ANK3: variants seen among roughly 807,000 people sequenced by gnomAD.
ANK3 encodes the protein ankyrin 3, also known as ankyrin-3.
In ANK3, 57 loss-of-function variants were observed where a neutral mutation model predicts 370.9. The ratio of observed to expected loss-of-function variants is 0.15; its 90% CI spans 0.12 to 0.19. The LOEUF (loss-of-function observed/expected upper bound fraction) is 0.19. Ranked by LOEUF, ANK3 falls within the 10% of genes least tolerant of loss-of-function variation. The pLI, the probability that ANK3 is intolerant of heterozygous loss-of-function variation, is 1.00. For missense variants in ANK3, 4,439 were observed against 5,302.1 expected, an observed-to-expected ratio of 0.84 and a Z score of 5.06; for synonymous variants, 1,929 against 1,946.3, an observed-to-expected ratio of 0.99 and a Z score of 0.23.
intron 28 of ANK3, among the ~76,000 whole-genome samples, chr10:60,104,491 T>C (rs898085179): frequency 6.6e-6 from 1 of 152,032 alleles, no homozygotes; most frequent in Non-Finnish European, 1.5e-5. Context: ...GATATGTTAC[T>C]TGACATCTCT....
At chr10:60,692,467 C>T (rs2079369280) in intron 1 of ANK3, among the ~76,000 whole-genome samples, 1 of 152,164 alleles carries the variant, frequency 6.6e-6, no homozygotes, top group Non-Finnish European at 1.5e-5. Context: ...TCTCAATTTC[C>T]ATTTCTAGTT....
intron 2 of ANK3, among the ~76,000 whole-genome samples, chr10:60,450,817 A>T (rs2064580711): frequency 6.6e-6 from 1 of 152,188 alleles, no homozygotes; most frequent in African/African-American, 2.4e-5. Flanking sequence ...TATTTCACAG[A>T]ACACTTAACG....
intron 27 of ANK3, chr10:60,108,379 A>G (rs1169931721): frequency 1.7e-5 from 4 of 240,414 alleles, no homozygotes; most frequent in African/African-American, 4.7e-5. Flanking sequence ...TTTGTACCCA[A>G]GTGCCACCTC....
chr10:60,554,536 T>A (rs1347199828), intron 2 of ANK3, among the ~76,000 whole-genome samples: 3 of 152,168 alleles, frequency 2.0e-5, no homozygotes, highest in Non-Finnish European at 4.4e-5. Flanking sequence ...GTATCAGGTT[T>A]TGTAGCACAA....
chr10:60,624,979 C>T (rs2078388414), intron 1 of ANK3, among the ~76,000 whole-genome samples: 1 of 152,178 alleles, frequency 6.6e-6, no homozygotes, highest in African/African-American at 2.4e-5. Context: ...TGCACACACA[C>T]ACCAATACCC....
rs752384374 is a variant in ANK3, at chr10:60,176,368, C to CAAA, written c.2185-3185_2185-3183dup. On this transcript the variant is annotated intron_variant, in intron 18 of 43. Transcript: ENST00000280772. The stretch of plus-strand genomic sequence containing the variant: ...CAACAGAGTGAGAGACTCTGTCTCC[C>CAAA]AAAAAAAAAAAAAAAAGAAAGAAAA... Among the ~76,000 whole-genome samples, 200 of 102,292 alleles carry CAAA rather than the reference C, an allele frequency of 2.0e-3. 3 individuals carry two copies. The highest frequency in any genetic ancestry group is 7.1e-3 in the African/African-American group (191 of 26,752). 67.1% of individuals were successfully genotyped at this position (102,292 alleles called of 152,430 possible).
At chr10:60,376,919 A>T (rs1171610623) in intron 1 of ANK3, among the ~76,000 whole-genome samples, 1 of 152,208 alleles carries the variant, frequency 6.6e-6, no homozygotes, top group Non-Finnish European at 1.5e-5. Flanking sequence ...TAACAAAGCC[A>T]TTTATTTTTA....
At chr10:60,358,145 C>T (rs1417175954) in intron 1 of ANK3, among the ~76,000 whole-genome samples, 2 of 150,476 alleles carry the variant, frequency 1.3e-5, no homozygotes, top group Non-Finnish European at 1.5e-5. Context: ...CACACACACC[C>T]AAAACTTCTC....
intron 2 of ANK3, among the ~76,000 whole-genome samples, chr10:60,421,315 T>G (rs996886345): frequency 6.6e-6 from 1 of 152,020 alleles, no homozygotes; most frequent in African/African-American, 2.4e-5. Context: ...AAAAATAGTT[T>G]AAATGGCAAA....
intron 13 of ANK3, 112 bp from the exon 14 acceptor site, chr10:60,198,649 G>C (rs1412871332): frequency 2.2e-6 from 2 of 913,404 alleles, no homozygotes; most frequent in African/African-American, 3.3e-5. Context: ...TCAACTTTTT[G>C]AGTCAATGCT....
chr10:60,517,748 AAG>A (rs1006481520), intron 2 of ANK3, among the ~76,000 whole-genome samples: 8 of 138,530 alleles, frequency 5.8e-5, no homozygotes, highest in African/African-American at 2.0e-4. Flanking sequence ...ATTATTAAAA[AAG>A]AGAGAAAGAG....
chr10:60,048,339 C>T (rs942978907), intron 42 of ANK3, among the ~76,000 whole-genome samples: 2 of 152,176 alleles, frequency 1.3e-5, no homozygotes, highest in African/African-American at 4.8e-5. Context: ...CAAATGGTTC[C>T]CAGGAATGAC....
intron 1 of ANK3, among the ~76,000 whole-genome samples, chr10:60,670,167 T>TAC (rs566186074): frequency 5.7e-4 from 87 of 152,126 alleles, no homozygotes; most frequent in Non-Finnish European, 1.1e-3. Flanking sequence ...ACAATGAATA[T>TAC]ACTCTGACCT....
chr10:60,336,913 G>A (rs773292165), intron 1 of ANK3, among the ~76,000 whole-genome samples: 222 of 152,210 alleles, frequency 1.5e-3, no homozygotes, highest in Middle Eastern at 0.01. Context: ...TCCAGCAGAT[G>A]AGGATGGCAC....
chr10:60,688,482 A>G (rs2079301327), intron 1 of ANK3, among the ~76,000 whole-genome samples: 1 of 152,266 alleles, frequency 6.6e-6, no homozygotes, highest in Non-Finnish European at 1.5e-5. Context: ...TGTTGAGGAT[A>G]GATCTCATGC....
At chr10:60,674,157 AT>A (rs61300334) in intron 1 of ANK3, among the ~76,000 whole-genome samples, 46 of 152,228 alleles carry the variant, frequency 3.0e-4, no homozygotes, top group African/African-American at 1.0e-3. Flanking sequence ...CATTCCAATA[AT>A]TTTTTTTCTT....
At chr10:60,353,951 G>A (rs2057339467) in intron 1 of ANK3, among the ~76,000 whole-genome samples, 1 of 152,206 alleles carries the variant, frequency 6.6e-6, no homozygotes, top group Non-Finnish European at 1.5e-5. Flanking sequence ...GGCACGAAAT[G>A]GCTGTGCTTG....
chr10:60,188,901 A>G (rs145911018), intron 16 of ANK3, among the ~76,000 whole-genome samples: 64 of 152,310 alleles, frequency 4.2e-4, no homozygotes, highest in African/African-American at 1.5e-3. Flanking sequence ...TCTGAGCCCA[A>G]TGCTACAATA....
At chr10:60,322,361 T>G (rs1291430033) in intron 1 of ANK3, among the ~76,000 whole-genome samples, 7 of 152,288 alleles carry the variant, frequency 4.6e-5, no homozygotes, top group Admixed American at 2.6e-4. Context: ...TTTAACACCT[T>G]TCAGGATCTG....
Sources: allele counts gnomAD v4.1 joint callset (sites outside exome capture counted in the v4.1 genomes callset), GRCh38; gene constraint gnomAD v4.1.1; transcripts MANE v1.5; gene names NCBI Gene and HGNC (gene_info 2026-07-23, HGNC 2026-07-21).